The following EFL1 variants were observed in gnomAD, a reference collection of about 807,000 sequenced individuals.
EFL1 encodes the protein elongation factor-like GTPase 1.
Under a neutral mutation model 126.7 loss-of-function variants are expected in EFL1, and 76 were observed. The observed-to-expected ratio is 0.60, with a 90% CI of 0.50 to 0.73. The LOEUF (loss-of-function observed/expected upper bound fraction) is 0.73. Ranked by LOEUF, EFL1 falls within the 30% of genes least tolerant of loss-of-function variation. EFL1 has a pLI of 0.00. For synonymous variants in EFL1, 410 were observed against 448.4 expected, an observed-to-expected ratio of 0.91 and a Z score of 1.08; for missense variants, 1,128 against 1,343.2, an observed-to-expected ratio of 0.84 and a Z score of 2.50.
intron 15 of EFL1, among the ~76,000 whole-genome samples, chr15:82,165,806 T>C (rs767822579): frequency 5.9e-5 from 9 of 152,344 alleles, no homozygotes; most frequent in Non-Finnish European, 1.2e-4. Context: ...TTAGCTCCTT[T>C]AACTAATCAG....
rs1230102344 is a variant in EFL1, at chr15:82,262,708, C to T, written c.-114G>A. The T allele has an allele frequency of 8.2e-6, 6 of 736,010 alleles. No individual in the cohort carries two copies. Among genetic ancestry groups the T allele is most frequent in the African/African-American group, 7.4e-5 (4 of 54,206 alleles). The allele number at this position is 736,010 out of a possible 1,614,324, so 45.6% of individuals were successfully genotyped here. On this transcript the variant is annotated 5_prime_UTR_variant, in exon 1 of 20. Transcript: ENST00000268206. ...CCGAGAGCTCTGCGGGTCCGACACG[C>T]CCGCGCGCCAGGGGGCGGGGCCGGC...
intron 11 of EFL1, among the ~76,000 whole-genome samples, chr15:82,225,790 T>C (rs1595994619): frequency 6.6e-6 from 1 of 152,214 alleles, no homozygotes; most frequent in Non-Finnish European, 1.5e-5. Flanking sequence ...ACTATTAAGA[T>C]ACCAATTCTC....
intron 14 of EFL1, among the ~76,000 whole-genome samples, chr15:82,218,633 T>C (rs1275439659): frequency 2.6e-5 from 4 of 152,214 alleles, no homozygotes; most frequent in Non-Finnish European, 4.4e-5. Flanking sequence ...TACGTAGATG[T>C]ATAAAAAATC....
At chr15:82,175,523 A>G (rs1340191353) in intron 15 of EFL1, among the ~76,000 whole-genome samples, 2 of 152,186 alleles carry the variant, frequency 1.3e-5, no homozygotes, top group African/African-American at 2.4e-5. Context: ...TATTAATACC[A>G]TTTTCAATAT....
At chr15:82,133,524 A>G (rs66904072) in intron 19 of EFL1, among the ~76,000 whole-genome samples, 22,877 of 152,224 alleles carry the variant, frequency 0.15, 4,113 homozygotes, top group African/African-American at 0.43. Flanking sequence ...TGAAACCTGA[A>G]CAAGTGCTAT....
intron 19 of EFL1, among the ~76,000 whole-genome samples, chr15:82,133,291 C>A (rs147799570): frequency 6.6e-6 from 1 of 152,092 alleles, no homozygotes; most frequent in Non-Finnish European, 1.5e-5. Flanking sequence ...ATGGTTCTTG[C>A]GGCTGAAAAC....
intron 17 of EFL1, among the ~76,000 whole-genome samples, chr15:82,155,791 T>C (rs377168482): frequency 1.3e-5 from 2 of 152,366 alleles, no homozygotes; most frequent in African/African-American, 4.8e-5. Context: ...TGCAGAAGTA[T>C]CTCACTTTGA....
At chr15:82,163,370 G>A (rs540032311) in intron 16 of EFL1, among the ~76,000 whole-genome samples, 3 of 152,204 alleles carry the variant, frequency 2.0e-5, no homozygotes, top group African/African-American at 4.8e-5. Context: ...GCGAAACCCC[G>A]TATCTACTAA....
At chr15:82,245,161 G>GT (rs535005686) in intron 4 of EFL1, among the ~76,000 whole-genome samples, 5 of 151,230 alleles carry the variant, frequency 3.3e-5, no homozygotes, top group Non-Finnish European at 5.9e-5. Flanking sequence ...TTTGTTTTTT[G>GT]TTTTTTTTAG....
intron 15 of EFL1, among the ~76,000 whole-genome samples, chr15:82,165,471 A>G (rs1295761911): frequency 6.6e-6 from 1 of 152,202 alleles, no homozygotes; most frequent in Non-Finnish European, 1.5e-5. Context: ...TCAGGTACAC[A>G]AACTTGGAGG....
intron 15 of EFL1, among the ~76,000 whole-genome samples, chr15:82,171,636 A>G (rs2074136762): frequency 6.6e-6 from 1 of 152,234 alleles, no homozygotes; most frequent in Admixed American, 6.5e-5. Flanking sequence ...GAAGATTTGT[A>G]AGACTCACTA....
chr15:82,179,899 C>T (rs1327587197), intron 15 of EFL1, among the ~76,000 whole-genome samples: 1 of 152,018 alleles, frequency 6.6e-6, no homozygotes, highest in African/African-American at 2.4e-5. Flanking sequence ...CCTGAATCAT[C>T]CTTACAGAAG....
At chr15:82,224,319 C>A (rs1294222513) in intron 12 of EFL1, among the ~76,000 whole-genome samples, 1 of 152,142 alleles carries the variant, frequency 6.6e-6, no homozygotes, top group Non-Finnish European at 1.5e-5. Flanking sequence ...AAAATCTCAT[C>A]ATGGTAAAGG....
intron 11 of EFL1, among the ~76,000 whole-genome samples, chr15:82,225,870 T>TA (rs1595994667): frequency 6.6e-6 from 1 of 152,204 alleles, no homozygotes; most frequent in Non-Finnish European, 1.5e-5. Flanking sequence ...ATACTGGAGG[T>TA]AAAAAAACAT....
At chr15:82,176,897 A>G (rs1486539185) in intron 15 of EFL1, among the ~76,000 whole-genome samples, 7 of 152,238 alleles carry the variant, frequency 4.6e-5, no homozygotes. Context: ...AAGAGTGGAT[A>G]AATAAACTGG....
chr15:82,171,531 G>A (rs184448873), intron 15 of EFL1, among the ~76,000 whole-genome samples: 3 of 152,222 alleles, frequency 2.0e-5, no homozygotes, highest in East Asian at 1.9e-4. Flanking sequence ...TTGCATCTGC[G>A]TCATACCATC....
At chr15:82,168,442 T>C (rs2074100776) in intron 15 of EFL1, among the ~76,000 whole-genome samples, 1 of 152,218 alleles carries the variant, frequency 6.6e-6, no homozygotes, top group Non-Finnish European at 1.5e-5. Flanking sequence ...GGAAAAATCT[T>C]GCAACAATGA....
At chr15:82,148,114 T>C (rs1389371838) in intron 18 of EFL1, among the ~76,000 whole-genome samples, 1 of 152,062 alleles carries the variant, frequency 6.6e-6, no homozygotes, top group Non-Finnish European at 1.5e-5. Context: ...CAGGGTGGGA[T>C]TACGCCTGTA....
intron 2 of EFL1, 134 bp downstream of exon 2, chr15:82,261,554 C>G (rs1018250494): frequency 1.4e-5 from 12 of 850,112 alleles, no homozygotes; most frequent in African/African-American, 3.4e-5. Flanking sequence ...TAACATCACA[C>G]AAAACTTTTA....
Sources: gnomAD v4.1 joint callset for allele counts (sites outside exome capture counted in the v4.1 genomes callset) on GRCh38, gnomAD v4.1.1 for gene constraint, MANE v1.5 for transcripts, NCBI Gene and HGNC (gene_info 2026-07-23, HGNC 2026-07-21) for gene names.